The following ITGBL1 variants were observed in gnomAD, a reference collection of about 807,000 sequenced individuals.
ITGBL1 encodes integrin beta-like protein 1.
In ITGBL1, 51 loss-of-function variants were observed where a neutral mutation model predicts 68.5. The ratio of observed to expected loss-of-function variants is 0.74; its 90% CI spans 0.59 to 0.94. ITGBL1 has a LOEUF of 0.94. Ranked by LOEUF, ITGBL1 falls within the 40% of genes least tolerant of loss-of-function variation. The pLI, the probability that ITGBL1 is intolerant of heterozygous loss-of-function variation, is 0.00. For missense variants in ITGBL1, 649 were observed against 647.4 expected (o/e 1.00, Z -0.03); for synonymous variants, 209 against 227.3 (o/e 0.92, Z 0.72).
At chr13:101,457,175 G>A (rs1399423844) in intron 2 of ITGBL1, among the ~76,000 whole-genome samples, 4 of 152,170 alleles carry the variant, frequency 2.6e-5, no homozygotes, top group Non-Finnish European at 5.9e-5. Flanking sequence ...TTACAATGAT[G>A]CATAACAAGT....
At chr13:101,604,784 C>T in intron 7 of ITGBL1, among the ~76,000 whole-genome samples, 1 of 140,548 alleles carries the variant, frequency 7.1e-6, no homozygotes, top group Non-Finnish European at 1.5e-5. Context: ...CATCACCTCA[C>T]CAGCTGGAAA....
At chr13:101,594,710 A>G (rs903259385) in intron 6 of ITGBL1, among the ~76,000 whole-genome samples, 1 of 152,202 alleles carries the variant, frequency 6.6e-6, no homozygotes, top group Admixed American at 6.6e-5. Flanking sequence ...TTCAAAATAT[A>G]TGAGTTCTAG....
intron 9 of ITGBL1, chr13:101,712,354 G>T (rs1457278328): frequency 1.3e-5 from 2 of 152,112 alleles, no homozygotes; most frequent in Non-Finnish European, 2.9e-5. Context: ...CTCATCAAAT[G>T]TTCTATCCAT....
chr13:101,678,497 T>C (rs1022685600), intron 7 of ITGBL1, among the ~76,000 whole-genome samples: 5 of 137,498 alleles, frequency 3.6e-5, no homozygotes, highest in Non-Finnish European at 7.7e-5. Context: ...ACAGATTCAC[T>C]GAGACTTTTT....
At chr13:101,485,652 C>T (rs1041079960) in intron 2 of ITGBL1, among the ~76,000 whole-genome samples, 3 of 151,938 alleles carry the variant, frequency 2.0e-5, no homozygotes, top group Non-Finnish European at 4.4e-5. Flanking sequence ...ATTACCTGGG[C>T]GTGGTGGCAG....
At chr13:101,720,033 G>GTTGT (rs2034873162), downstream of ITGBL1, 1 of 152,036 alleles carries the variant, frequency 6.6e-6, no homozygotes, top group South Asian at 2.1e-4. Context: ...GTTACATAAA[G>GTTGT]TTGTTTGATG....
intron 9 of ITGBL1, among the ~76,000 whole-genome samples, chr13:101,708,054 CACACACACACACACAT>C (rs1248401038): frequency 3.1e-4 from 47 of 149,838 alleles, no homozygotes; most frequent in African/African-American, 1.1e-3. Context: ...CACACACACA[CACACACACACACACAT>C]ACACACAAAT....
chr13:101,646,766 A>G (rs768209636), intron 7 of ITGBL1, among the ~76,000 whole-genome samples: 1 of 152,132 alleles, frequency 6.6e-6, no homozygotes, highest in South Asian at 2.1e-4. Flanking sequence ...GAACCACACT[A>G]AAACAAAACA....
At chr13:101,703,327 C>A (rs1354662324) in intron 8 of ITGBL1, among the ~76,000 whole-genome samples, 1 of 152,136 alleles carries the variant, frequency 6.6e-6, no homozygotes, top group African/African-American at 2.4e-5. Flanking sequence ...GGGAAAGGTA[C>A]TTCTACCTCT....
At position 101,500,166 on chromosome 13, in the gene ITGBL1, C is replaced by T. The variant is rs555284714; in HGVS notation, c.316+46066C>T. On this transcript the variant is annotated intron_variant, in intron 2 of 10. Transcript: ENST00000376180. Reference sequence around the variant, plus strand: ...TTGTTTAATTCCTCATGTTGAGGATCATTTTTGATCATTGCCTGCTCCAAC... The same window carrying T: ...TTGTTTAATTCCTCATGTTGAGGATTATTTTTGATCATTGCCTGCTCCAAC... 5.9e-5 allele frequency among the ~76,000 whole-genome samples: 9 copies of T among 152,250 alleles called. No homozygotes were observed. In the South Asian group the frequency reaches 1.7e-3, roughly 28 times the overall value.
At chr13:101,484,295 C>T (rs2048670074) in intron 2 of ITGBL1, among the ~76,000 whole-genome samples, 1 of 152,068 alleles carries the variant, frequency 6.6e-6, no homozygotes, top group Non-Finnish European at 1.5e-5. Flanking sequence ...ATACCTAGAA[C>T]TGAATGATAA....
chr13:101,517,455 G>A (rs1300786425), intron 2 of ITGBL1, among the ~76,000 whole-genome samples: 3 of 152,164 alleles, frequency 2.0e-5, no homozygotes, highest in East Asian at 1.9e-4. Context: ...TACTCAGGTT[G>A]CATCACTGAC....
At chr13:101,472,325 G>C (rs546320001) in intron 2 of ITGBL1, among the ~76,000 whole-genome samples, 1 of 152,236 alleles carries the variant, frequency 6.6e-6, no homozygotes, top group South Asian at 2.1e-4. Flanking sequence ...CAAACTGTTG[G>C]TACAAATCAT....
At chr13:101,480,265 T>A (rs1048442014) in intron 2 of ITGBL1, among the ~76,000 whole-genome samples, 2 of 151,942 alleles carry the variant, frequency 1.3e-5, no homozygotes. Flanking sequence ...GAGCTAAAAA[T>A]CAATGCAATT....
chr13:101,624,624 AC>A (rs1175251028), intron 7 of ITGBL1, among the ~76,000 whole-genome samples: 4 of 152,090 alleles, frequency 2.6e-5, no homozygotes, highest in Non-Finnish European at 5.9e-5. Flanking sequence ...AGCGCTCACT[AC>A]CCCTCTGCAT....
chr13:101,585,442 C>A (rs1262521577), intron 6 of ITGBL1, among the ~76,000 whole-genome samples: 1 of 152,084 alleles, frequency 6.6e-6, no homozygotes, highest in Non-Finnish European at 1.5e-5. Context: ...ATACCATTTT[C>A]TTTTTTGAGA....
intron 6 of ITGBL1, among the ~76,000 whole-genome samples, chr13:101,595,583 C>T (rs902268387): frequency 6.6e-6 from 1 of 152,006 alleles, no homozygotes; most frequent in Non-Finnish European, 1.5e-5. Context: ...TGCAAATGGC[C>T]AGTGGGTATA....
intron 2 of ITGBL1, among the ~76,000 whole-genome samples, chr13:101,554,607 G>A (rs1566729686): frequency 6.6e-6 from 1 of 152,212 alleles, no homozygotes; most frequent in Non-Finnish European, 1.5e-5. Context: ...TGTCAGGCAT[G>A]TGTGGCCTTA....
intron 2 of ITGBL1, among the ~76,000 whole-genome samples, chr13:101,563,373 A>G (rs2050131431): frequency 6.6e-6 from 1 of 151,822 alleles, no homozygotes; most frequent in Non-Finnish European, 1.5e-5. Flanking sequence ...GATTATTTGA[A>G]AATAACAATA....
Sources: allele counts gnomAD v4.1 joint callset (sites outside exome capture counted in the v4.1 genomes callset), GRCh38; gene constraint gnomAD v4.1.1; transcripts MANE v1.5; gene names NCBI Gene and HGNC (gene_info 2026-07-23, HGNC 2026-07-21).